CSMD1: variants seen among roughly 807,000 people sequenced by gnomAD.
CSMD1 encodes CUB and Sushi multiple domains 1, also known as CUB and sushi domain-containing protein 1.
CSMD1 carries 213 observed loss-of-function variants against 417.5 expected under a neutral mutation model. That is an observed-to-expected ratio of 0.51 (90% confidence interval 0.46 to 0.57). CSMD1 has a LOEUF of 0.57. Among genes scored for constraint, CSMD1 ranks in the 20% least tolerant of loss-of-function variants. The pLI, the probability that CSMD1 is intolerant of heterozygous loss-of-function variation, is 0.00. For missense variants in CSMD1, 6,923 were observed against 4,529.7 expected, an observed-to-expected ratio of 1.53 and a Z score of -15.17; for synonymous variants, 2,862 against 1,736.8, an observed-to-expected ratio of 1.65 and a Z score of -16.11.
chr8:4,039,725 T>C (rs1027428102), intron 3 of CSMD1, among the ~76,000 whole-genome samples: 3 of 152,174 alleles, frequency 2.0e-5, no homozygotes, highest in Non-Finnish European at 4.4e-5. Context: ...GGGCAAGATT[T>C]GGCCAAATAA....
chr8:4,326,623 G>C (rs181069215), intron 3 of CSMD1, among the ~76,000 whole-genome samples: 1 of 152,140 alleles, frequency 6.6e-6, no homozygotes, highest in Admixed American at 6.6e-5. Flanking sequence ...AGAAACCTCA[G>C]AACATATAGG....
chr8:4,432,625 T>G lies in CSMD1; in HGVS notation c.303-12560A>C, dbSNP rs188872369. 1.1e-3 allele frequency among the ~76,000 whole-genome samples: 169 copies of G among 152,166 alleles called. 1 individual carries two copies. Among genetic ancestry groups the G allele is most frequent in the Non-Finnish European group, 6.2e-4 (42 of 68,006 alleles). ...AGGTGAGGAAACGAAGCCTCAGAGA[T>G]CCTTAATAACTGACTTAAGACCATG... On this transcript the variant is annotated intron_variant, in intron 2 of 69. Coordinates refer to ENST00000635120, the MANE Select transcript of CSMD1 (RefSeq NM_033225.6).
rs113484686 is a variant in CSMD1 at position 4,816,288 on chromosome 8, G to A, written c.85+178044C>T. Among the ~76,000 whole-genome samples, 1,074 of 152,106 alleles carry A rather than the reference G, an allele frequency of 7.1e-3. 9 individuals are homozygous for A. The highest frequency in any genetic ancestry group is 0.025 in the African/African-American group (1,044 of 41,472). ...CAAACTCTGCCTCCTGGGTTCAAGG[G>A]ATTCTCCTGCCTCAGCCTGCCAAGT... is the stretch of plus-strand genomic sequence containing the variant. On this transcript the variant is annotated intron_variant, in intron 1 of 69. Coordinates refer to ENST00000635120, the MANE Select transcript of CSMD1 (RefSeq NM_033225.6).
intron 2 of CSMD1, among the ~76,000 whole-genome samples, chr8:4,432,937 G>A (rs748953700): frequency 6.6e-6 from 1 of 152,168 alleles, no homozygotes; most frequent in Non-Finnish European, 1.5e-5. Flanking sequence ...TTTCACAGCT[G>A]CTCCCCATGG....
chr8:3,313,914 T>C (rs1300123868), intron 23 of CSMD1, among the ~76,000 whole-genome samples: 2 of 152,174 alleles, frequency 1.3e-5, no homozygotes, highest in Non-Finnish European at 2.9e-5. Context: ...ATGTGGCACA[T>C]ATACACCATG....
intron 3 of CSMD1, among the ~76,000 whole-genome samples, chr8:4,169,854 A>C (rs1268663624): frequency 9.2e-5 from 14 of 151,960 alleles, no homozygotes; most frequent in Non-Finnish European, 1.5e-4. Flanking sequence ...AGCATGCGTC[A>C]TCATTTAGGA....
chr8:4,437,434 C>T (rs933152731), intron 2 of CSMD1, among the ~76,000 whole-genome samples: 1 of 152,118 alleles, frequency 6.6e-6, no homozygotes, highest in Non-Finnish European at 1.5e-5. Context: ...TCATGATTAT[C>T]CGTAAAATCA....
intron 50 of CSMD1, among the ~76,000 whole-genome samples, chr8:3,052,199 A>G (rs1413341166): frequency 6.6e-6 from 1 of 152,226 alleles, no homozygotes; most frequent in Admixed American, 6.5e-5. Flanking sequence ...GCAGCACAGA[A>G]TAGGATGTGA....
At chr8:4,230,092 CA>C (rs1293243191) in intron 3 of CSMD1, among the ~76,000 whole-genome samples, 1 of 152,180 alleles carries the variant, frequency 6.6e-6, no homozygotes, top group African/African-American at 2.4e-5. Context: ...TATTAGACTA[CA>C]AGCCTTATAA....
chr8:4,273,166 A>G (rs11136714), intron 3 of CSMD1, among the ~76,000 whole-genome samples: 1 of 152,010 alleles, frequency 6.6e-6, no homozygotes, highest in Non-Finnish European at 1.5e-5. Context: ...TTATCTTTTA[A>G]AAGAGATTTG....
intron 1 of CSMD1, among the ~76,000 whole-genome samples, chr8:4,770,884 CA>C (rs1389133588): frequency 7.2e-5 from 11 of 152,230 alleles, no homozygotes; most frequent in African/African-American, 2.6e-4. Context: ...TGCTCGTTAA[CA>C]TTGGCCTTGA....
chr8:3,299,197 AT>A (rs1804194888), intron 25 of CSMD1, among the ~76,000 whole-genome samples: 1 of 152,216 alleles, frequency 6.6e-6, no homozygotes, highest in Non-Finnish European at 1.5e-5. Flanking sequence ...CACGCCTGTA[AT>A]CCCAGTATTT....
chr8:4,530,540 C>G (rs200887638), intron 2 of CSMD1, among the ~76,000 whole-genome samples: 3 of 151,038 alleles, frequency 2.0e-5, no homozygotes, highest in African/African-American at 7.3e-5. Context: ...TTCCCCTCCC[C>G]GTGCCCATAT....
chr8:3,858,505 A>G (rs1804467034), intron 5 of CSMD1, among the ~76,000 whole-genome samples: 1 of 152,170 alleles, frequency 6.6e-6, no homozygotes, highest in Non-Finnish European at 1.5e-5. Flanking sequence ...GTAGAAATGG[A>G]AGGCCTACTT....
intron 5 of CSMD1, among the ~76,000 whole-genome samples, chr8:3,945,601 A>C (rs1811172863): frequency 6.6e-6 from 1 of 152,156 alleles, no homozygotes; most frequent in South Asian, 2.1e-4. Context: ...TAATATCATC[A>C]TTAGGCAAAC....
chr8:4,814,477 A>C (rs61058298), intron 1 of CSMD1, among the ~76,000 whole-genome samples: 10,354 of 152,262 alleles, frequency 0.068, 592 homozygotes, highest in East Asian at 0.24. Context: ...GAACTCCTAA[A>C]GTCAAGTGAT....
intron 5 of CSMD1, among the ~76,000 whole-genome samples, chr8:3,857,265 G>C (rs1028445979): frequency 6.6e-6 from 1 of 152,154 alleles, no homozygotes; most frequent in African/African-American, 2.4e-5. Context: ...TTTACAAATG[G>C]AGTAATCTTT....
At chr8:4,189,787 T>C (rs1798905793) in intron 3 of CSMD1, among the ~76,000 whole-genome samples, 1 of 152,186 alleles carries the variant, frequency 6.6e-6, no homozygotes, top group East Asian at 1.9e-4. Context: ...CAAAGGATAA[T>C]TTTATCTTGT....
At chr8:4,163,518 T>G (rs1302797854) in intron 3 of CSMD1, among the ~76,000 whole-genome samples, 2 of 152,200 alleles carry the variant, frequency 1.3e-5, no homozygotes, top group Non-Finnish European at 2.9e-5. Context: ...CATTGTTTTG[T>G]GAAATATTTA....
Sources: allele counts gnomAD v4.1 joint callset (sites outside exome capture counted in the v4.1 genomes callset), GRCh38; gene constraint gnomAD v4.1.1; transcripts MANE v1.5; gene names NCBI Gene and HGNC (gene_info 2026-07-23, HGNC 2026-07-21).